Variants in TSPAN18 observed in about 807,000 individuals in gnomAD.
The protein encoded by TSPAN18 is tetraspanin 18, also known as tetraspanin-18.
Under a neutral mutation model 27.3 loss-of-function variants are expected in TSPAN18, and 14 were observed. That is an observed-to-expected ratio of 0.51 (90% CI 0.34 to 0.80). The LOEUF is 0.80. TSPAN18 is among the 30% of genes least tolerant of loss of function. The pLI is 0.01. For synonymous variants in TSPAN18, 143 were observed against 136.5 expected (o/e 1.05, Z -0.33); for missense variants, 268 against 323.9 (o/e 0.83, Z 1.32).
At chr11:44,814,844 A>G (rs535253924) in intron 2 of TSPAN18, among the ~76,000 whole-genome samples, 2 of 152,382 alleles carry the variant, frequency 1.3e-5, no homozygotes, top group South Asian at 2.1e-4. Context: ...AAGCAAGTAC[A>G]TAAGATAATT....
intron 2 of TSPAN18, among the ~76,000 whole-genome samples, chr11:44,796,763 C>T (rs1487065133): frequency 6.6e-6 from 1 of 152,162 alleles, no homozygotes; most frequent in African/African-American, 2.4e-5. Flanking sequence ...TGTCTGTCCT[C>T]TAGGCTTCTG....
In TSPAN18 at chr11:44,919,874, C is replaced by A. The variant is rs781351757; in HGVS notation, c.490C>A (p.Leu164Ile). 31 of 1,614,120 alleles carry A rather than the reference C, an allele frequency of 1.9e-5. No homozygotes were observed. In the East Asian group the frequency reaches 6.5e-4, roughly 34 times the overall value. Reference protein sequence around the residue: ...EDFKFASVFRLLTLDSEEVPE... With the variant: ...EDFKFASVFRILTLDSEEVPE... ...CTTTAAGTTTGCATCTGTGTTTCGA[C>A]TCCTGACCCTGGATAGTGAAGAGGT... The change falls in exon 8 of 10, where the codon CTC becomes ATC. Residue 164 changes from leucine to isoleucine, a missense_variant. Physicochemically the swap from Leu to Ile is conservative, Grantham distance 5. Coordinates refer to ENST00000520358, the MANE Select transcript of TSPAN18 (RefSeq NM_130783.5).
intron 3 of TSPAN18, among the ~76,000 whole-genome samples, chr11:44,893,782 G>C (rs1365949144): frequency 6.6e-6 from 1 of 152,094 alleles, no homozygotes; most frequent in Non-Finnish European, 1.5e-5. Context: ...TTAAGTGAAC[G>C]CCCATAATAC....
At chr11:44,760,006 A>G (rs1283477616) in intron 1 of TSPAN18, among the ~76,000 whole-genome samples, 1 of 152,226 alleles carries the variant, frequency 6.6e-6, no homozygotes, top group Non-Finnish European at 1.5e-5. Context: ...GGGTTAGGAA[A>G]GGAAGAGAGG....
At chr11:44,864,008 A>G (rs10769083) in intron 3 of TSPAN18, among the ~76,000 whole-genome samples, 58,332 of 151,664 alleles carry the variant, frequency 0.38, 12,482 homozygotes, top group African/African-American at 0.58. Context: ...GGTGATGGGG[A>G]CCGGGCACGG....
rs116638973 is a variant in TSPAN18, at chr11:44,920,734, C to T, written c.615+735C>T. Reference sequence around the variant, plus strand: ...GGTGATCTAAGCCTGGGCCCCAGCCCCCTTGCTTGAGTAGGACTTTAACGA... The same window carrying T: ...GGTGATCTAAGCCTGGGCCCCAGCCTCCTTGCTTGAGTAGGACTTTAACGA... On this transcript the variant is annotated intron_variant, in intron 8 of 9. Coordinates refer to ENST00000520358, the MANE Select transcript of TSPAN18 (RefSeq NM_130783.5). 3.0e-3 allele frequency among the ~76,000 whole-genome samples: 450 copies of T among 152,228 alleles called. 2 individuals are homozygous for T. The highest frequency in any genetic ancestry group is 0.01 in the African/African-American group (431 of 41,522).
rs1291601112 is a variant in TSPAN18, at chr11:44,929,898, CT to C, written c.*721del. ...GGCTGCTGTCACTGCATCCAGGACT[CT>C]GTCAGCTCTGCTGCCCACATGCACC... On this transcript the variant is annotated 3_prime_UTR_variant, in exon 10 of 10. Transcript: ENST00000520358. 2.0e-5 allele frequency: 3 copies of C among 152,462 alleles called. No homozygotes were observed. Among genetic ancestry groups the C allele is most frequent in the African/African-American group, 7.2e-5 (3 of 41,462 alleles). 9.4% of individuals were successfully genotyped at this position (152,462 alleles called of 1,614,324 possible).
At chr11:44,757,274 A>G (rs891219694) in intron 1 of TSPAN18, among the ~76,000 whole-genome samples, 1 of 150,746 alleles carries the variant, frequency 6.6e-6, no homozygotes, top group Non-Finnish European at 1.5e-5. Flanking sequence ...TTTATTTTTT[A>G]TTTTTTTTTA....
At chr11:44,727,530 GC>G (rs1854546011) in intron 1 of TSPAN18, among the ~76,000 whole-genome samples, 2 of 152,190 alleles carry the variant, frequency 1.3e-5, no homozygotes, top group South Asian at 4.1e-4. Flanking sequence ...CGGGGGCTGC[GC>G]CCAGGACAGG....
intron 1 of TSPAN18, among the ~76,000 whole-genome samples, chr11:44,759,471 G>T (rs1053683405): frequency 6.6e-6 from 1 of 152,176 alleles, no homozygotes; most frequent in Non-Finnish European, 1.5e-5. Context: ...GTAGTTGAGG[G>T]TCATTCATTC....
At position 44,846,032 on chromosome 11, in the gene TSPAN18, A is replaced by G. The variant is rs11820206; in HGVS notation, c.-152-14296A>G. 2.5e-3 allele frequency among the ~76,000 whole-genome samples: 375 copies of G among 152,366 alleles called. 2 individuals carry two copies. The highest frequency in any genetic ancestry group is 8.7e-3 in the African/African-American group (362 of 41,586). On this transcript the variant is annotated intron_variant, in intron 2 of 9. Transcript: ENST00000520358. ...TAAGATGGGGAGAATAAAAATGACAATAATGGCCATGCTGATGGAACCTTT... is the reference window on the plus strand; with the variant it reads ...TAAGATGGGGAGAATAAAAATGACAGTAATGGCCATGCTGATGGAACCTTT...
chr11:44,877,606 AG>A (rs1441237331), intron 3 of TSPAN18, among the ~76,000 whole-genome samples: 3 of 152,174 alleles, frequency 2.0e-5, no homozygotes, highest in Non-Finnish European at 1.5e-5. Context: ...GGCCTCAGAA[AG>A]CCAGAAAGGG....
chr11:44,772,864 G>A (rs1855719606), intron 2 of TSPAN18, among the ~76,000 whole-genome samples: 1 of 151,798 alleles, frequency 6.6e-6, no homozygotes, highest in African/African-American at 2.4e-5. Flanking sequence ...CTCCGTGTTG[G>A]TCAGGCTGGT....
At chr11:44,907,063 T>C (rs541050417) in intron 4 of TSPAN18, among the ~76,000 whole-genome samples, 1 of 152,354 alleles carries the variant, frequency 6.6e-6, no homozygotes, top group African/African-American at 2.4e-5. Context: ...AAGATTAGTT[T>C]ACAAAGTACC....
At chr11:44,775,126 AG>A (rs1855775113) in intron 2 of TSPAN18, among the ~76,000 whole-genome samples, 1 of 152,226 alleles carries the variant, frequency 6.6e-6, no homozygotes, top group African/African-American at 2.4e-5. Flanking sequence ...AGGGGTCGCC[AG>A]GTACAGCAAA....
At chr11:44,862,000 G>C (rs983630924) in intron 3 of TSPAN18, among the ~76,000 whole-genome samples, 5 of 152,236 alleles carry the variant, frequency 3.3e-5, no homozygotes, top group Non-Finnish European at 5.9e-5. Context: ...CGCCGGGAAG[G>C]CCTGTTCCTT....
chr11:44,909,645 AAGTGCCT>A (rs1859632349), intron 4 of TSPAN18, 53 bp from the exon 5 acceptor site: 3 of 1,546,832 alleles, frequency 1.9e-6, no homozygotes, highest in Admixed American at 1.7e-5. Flanking sequence ...GGTGGGTCAG[AAGTGCCT>A]AACCTCCCTT....
rs138858807 is a variant in TSPAN18 at position 44,909,403 on chromosome 11, T to C, written c.64-302T>C. On this transcript the variant is annotated intron_variant, in intron 4 of 9. Coordinates refer to ENST00000520358, the MANE Select transcript of TSPAN18 (RefSeq NM_130783.5). ...ACCTCCTAATCCTACAGGTCTGACA[T>C]TTCAAGAGAAGATAAAATTGGCAAA... The C allele has an allele frequency of 1.2e-3, 416 of 339,194 alleles. 3 individuals carry two copies. The East Asian group carries it at 0.021, about 17-fold the overall frequency. 21.0% of individuals were successfully genotyped at this position (339,194 alleles called of 1,614,324 possible).
intron 7 of TSPAN18, 104 bp from the exon 8 acceptor site, chr11:44,919,711 CCA>C (rs962191411): frequency 2.3e-5 from 27 of 1,172,808 alleles, no homozygotes; most frequent in Non-Finnish European, 2.9e-5. Context: ...CCGCCCACAC[CCA>C]GTCTTCTGAT....
Sources: gnomAD v4.1 joint callset for allele counts (sites outside exome capture counted in the v4.1 genomes callset) on GRCh38, gnomAD v4.1.1 for gene constraint, MANE v1.5 for transcripts, NCBI Gene and HGNC (gene_info 2026-07-23, HGNC 2026-07-21) for gene names.